The following STAT1 variants were observed in gnomAD, a reference collection of about 807,000 sequenced individuals.
STAT1 encodes signal transducer and activator of transcription 1, also known as signal transducer and activator of transcription 1-alpha/beta.
In STAT1, 24 loss-of-function variants were observed where a neutral mutation model predicts 111.7. The ratio of observed to expected loss-of-function variants is 0.21; its 90% CI spans 0.16 to 0.30. The LOEUF (loss-of-function observed/expected upper bound fraction) is 0.30, where lower values mean the gene tolerates loss of function less well. Among genes scored for constraint, STAT1 ranks in the 10% least tolerant of loss-of-function variants. The pLI is 1.00. For missense variants in STAT1, 351 were observed against 911.9 expected (o/e 0.38, Z 7.92); for synonymous variants, 332 against 326.5 (o/e 1.02, Z -0.18).
In STAT1 at chr2:191,006,181, G is replaced by A. The variant is rs190562451; in HGVS notation, c.372+1382C>T. ...TATTAGAAATACAGAGGAGGCCCAC[G>A]CATACTACTTTTAGGATGGAAGCCC... On this transcript the variant is annotated intron_variant, in intron 5 of 24. Transcript: ENST00000361099. The surrounding 1 kb of genome is among the most constrained non-coding windows in gnomAD (Gnocchi z 4.6). 5.9e-5 allele frequency among the ~76,000 whole-genome samples: 9 copies of A among 152,282 alleles called. No individual in the cohort carries two copies. The highest frequency in any genetic ancestry group is 5.8e-4 in the East Asian group (3 of 5,188).
chr2:190,983,918 TTTCAG>T lies in STAT1; in HGVS notation c.1348-183_1348-179del, dbSNP rs1168178611. Among the ~76,000 whole-genome samples the T allele has an allele frequency of 1.3e-5, 2 of 152,200 alleles. No homozygotes were observed. The highest frequency in any genetic ancestry group is 4.8e-5 in the African/African-American group (2 of 41,428). ...CAGTTTAACTTGTCTTTGATGTATC[TTTCAG>T]TTAAGAAATAAGTCCCTAAAAATAA... is the stretch of plus-strand genomic sequence containing the variant. On this transcript the variant is annotated intron_variant, in intron 16 of 24. Coordinates refer to ENST00000361099, the MANE Select transcript of STAT1 (RefSeq NM_007315.4). This position sits in a 1 kb window ranked among gnomAD's most constrained non-coding sequence, Gnocchi z 5.7.
intron 3 of STAT1, 136 bp downstream of exon 3, chr2:191,009,740 A>G: frequency 7.6e-7 from 1 of 1,317,848 alleles, no homozygotes; most frequent in South Asian, 1.2e-5. Context: ...TTTTAAATCA[A>G]CAAACTTTTC....
intron 3 of STAT1, among the ~76,000 whole-genome samples, chr2:191,009,661 A>G (rs1417580278): frequency 6.6e-6 from 1 of 152,236 alleles, no homozygotes; most frequent in East Asian, 1.9e-4. Flanking sequence ...AAAACTGTAT[A>G]AAAGTGCTTA....
intron 5 of STAT1, among the ~76,000 whole-genome samples, chr2:191,002,163 G>A (rs781292737): frequency 4.6e-5 from 7 of 152,004 alleles, no homozygotes; most frequent in Middle Eastern, 6.8e-3. Context: ...CTTTTAGATC[G>A]CTGATATATT....
In STAT1 at chr2:190,980,596, G is replaced by T; in HGVS notation, c.1632+24C>A. ...ACCAAGAGCAAAAAGGACTTAGAGA[G>T]CATAAAACCCAGACAGTCCTCACCT... On this transcript the variant is annotated intron_variant, in intron 19 of 24. Coordinates refer to ENST00000361099, the MANE Select transcript of STAT1 (RefSeq NM_007315.4). This position sits in a 1 kb window ranked among gnomAD's most constrained non-coding sequence, Gnocchi z 6.1. 1 of 1,613,268 alleles carries T rather than the reference G, an allele frequency of 6.2e-7. No individual in the cohort carries two copies. Among genetic ancestry groups the T allele is most frequent in the Non-Finnish European group, 8.5e-7 (1 of 1,179,196 alleles).
Position 190,978,206 on chromosome 2 carries a change from C to G in STAT1, c.1873+650G>C, listed in dbSNP as rs540154430. On this transcript the variant is annotated intron_variant, in intron 21 of 24. Coordinates refer to ENST00000361099, the MANE Select transcript of STAT1 (RefSeq NM_007315.4). The surrounding 1 kb of genome is among the most constrained non-coding windows in gnomAD (Gnocchi z 6.1). ...TCCTGCCCTTCAAACAGACCAAACTCTAAACAACAGTGAAAAGTAATCAGT... is the reference window on the plus strand; with the variant it reads ...TCCTGCCCTTCAAACAGACCAAACTGTAAACAACAGTGAAAAGTAATCAGT... Among the ~76,000 whole-genome samples the G allele has an allele frequency of 6.6e-6, 1 of 152,338 alleles. No individual in the cohort carries two copies. Among genetic ancestry groups the G allele is most frequent in the East Asian group, 1.9e-4 (1 of 5,192 alleles).
Position 190,998,772 on chromosome 2 carries a change from T to A in STAT1, c.542-464A>T, listed in dbSNP as rs544211160. Among the ~76,000 whole-genome samples, 12 of 151,548 alleles carry A rather than the reference T, an allele frequency of 7.9e-5. No individual in the cohort carries two copies. Among genetic ancestry groups the A allele is most frequent in the Non-Finnish European group, 1.8e-4 (12 of 67,902 alleles). ...CTTAAGACACTGTCAGGTAATTACC[T>A]AAATAAATGTAAATAACATTAATAA... On this transcript the variant is annotated intron_variant, in intron 7 of 24. Coordinates refer to ENST00000361099, the MANE Select transcript of STAT1 (RefSeq NM_007315.4). This position sits in a 1 kb window ranked among gnomAD's most constrained non-coding sequence, Gnocchi z 4.1.
chr2:190,979,431 T>C lies in STAT1; in HGVS notation c.1727+341A>G, dbSNP rs1012653486. On this transcript the variant is annotated intron_variant, in intron 20 of 24. Coordinates refer to ENST00000361099, the MANE Select transcript of STAT1 (RefSeq NM_007315.4). This position sits in a 1 kb window ranked among gnomAD's most constrained non-coding sequence, Gnocchi z 5.8. ...AGCCGATCCTGGCAATAAGTCAAGA[T>C]AGAAATGATTTACCCAGTTAAAAGG... 5.3e-5 allele frequency among the ~76,000 whole-genome samples: 8 copies of C among 152,208 alleles called. No homozygotes were observed. Among genetic ancestry groups the C allele is most frequent in the Admixed American group, 2.0e-4 (3 of 15,282 alleles).
Position 190,997,307 on chromosome 2 carries a change from T to A in STAT1, c.785+549A>T, listed in dbSNP as rs923473175. Among the ~76,000 whole-genome samples the A allele has an allele frequency of 6.6e-6, 1 of 152,188 alleles. No homozygotes were observed. Among genetic ancestry groups the A allele is most frequent in the Non-Finnish European group, 1.5e-5 (1 of 68,018 alleles). ...GTCCTCCACAGAATTCTGATGGCCT[T>A]TTGCTAGAGCACCTGGATACTTTTA... On this transcript the variant is annotated intron_variant, in intron 9 of 24. Coordinates refer to ENST00000361099, the MANE Select transcript of STAT1 (RefSeq NM_007315.4). This position sits in a 1 kb window ranked among gnomAD's most constrained non-coding sequence, Gnocchi z 7.3.
In STAT1 at chr2:190,975,659, A is replaced by ATG; in HGVS notation, c.2135+152_2135+153insCA. ...TTTTTTTTAAAGTAGTAAAATGCTG[A>ATG]TAGGCAGTAACACGGGGATCTCAAC... On this transcript the variant is annotated intron_variant, in intron 23 of 24. Coordinates refer to ENST00000361099, the MANE Select transcript of STAT1 (RefSeq NM_007315.4). The surrounding 1 kb of genome is among the most constrained non-coding windows in gnomAD (Gnocchi z 5.9). 1 of 1,474,434 alleles carries ATG rather than the reference A, an allele frequency of 6.8e-7. No homozygotes were observed. The allele number at this position is 1,474,434 out of a possible 1,614,324, so 91.3% of individuals were successfully genotyped here.
rs138287667 is a variant in STAT1 at position 190,990,594 on chromosome 2, T to TTG, written c.1037+632_1037+633dup. Among the ~76,000 whole-genome samples the TTG allele has an allele frequency of 4.5e-4, 69 of 152,058 alleles. No homozygotes were observed. The highest frequency in any genetic ancestry group is 1.2e-3 in the African/African-American group (48 of 41,466). ...TTTTTAAAAAAGAAATATGTCATATTTGTGTGTGTGTGTGTCTCTATATGA... is the reference window on the plus strand; with the variant it reads ...TTTTTAAAAAAGAAATATGTCATATTTGTGTGTGTGTGTGTGTCTCTATATGA... On this transcript the variant is annotated intron_variant, in intron 11 of 24. Coordinates refer to ENST00000361099, the MANE Select transcript of STAT1 (RefSeq NM_007315.4). The surrounding 1 kb of genome is among the most constrained non-coding windows in gnomAD (Gnocchi z 5.1).
rs1467240212 is a variant in STAT1, at chr2:190,979,121, G to A, written c.1728-120C>T. 3.1e-6 allele frequency: 4 copies of A among 1,300,174 alleles called. No individual in the cohort carries two copies. Among genetic ancestry groups the A allele is most frequent in the East Asian group, 2.5e-5 (1 of 40,154 alleles). The allele number at this position is 1,300,174 out of a possible 1,614,324, so 80.5% of individuals were successfully genotyped here. ...AGAAAAAAAACCTACGGTAAAAAAC[G>A]TAGACTATTTTAAAATCTGTTCAGT... On this transcript the variant is annotated intron_variant, in intron 20 of 24. Coordinates refer to ENST00000361099, the MANE Select transcript of STAT1 (RefSeq NM_007315.4). This position sits in a 1 kb window ranked among gnomAD's most constrained non-coding sequence, Gnocchi z 5.8.
In STAT1 at chr2:191,003,254, G is replaced by C. The variant is rs112864916; in HGVS notation, c.373-2091C>G. On this transcript the variant is annotated intron_variant, in intron 5 of 24. Transcript: ENST00000361099. The surrounding 1 kb of genome is among the most constrained non-coding windows in gnomAD (Gnocchi z 4.0). ...TACATGAATGTTACTGGTATCCTCT[G>C]TAAGTCCAAGGTGCCACATATCACT... Among the ~76,000 whole-genome samples, 13 of 152,340 alleles carry C rather than the reference G, an allele frequency of 8.5e-5. 1 individual carries two copies. The highest frequency in any genetic ancestry group is 2.9e-4 in the African/African-American group (12 of 41,582).
chr2:190,989,605 G>C lies in STAT1; in HGVS notation c.1097+10C>G, dbSNP rs41488044. On this transcript the variant is annotated intron_variant, in intron 12 of 24. Coordinates refer to ENST00000361099, the MANE Select transcript of STAT1 (RefSeq NM_007315.4). This position sits in a 1 kb window ranked among gnomAD's most constrained non-coding sequence, Gnocchi z 5.0. ...TACATGTATGTTATATAATGTTAAA[G>C]ATATCTTACTTATCAAATAAGACTT... 1,475 of 1,459,498 alleles carry C rather than the reference G, an allele frequency of 1.0e-3. 21 individuals are homozygous for C. In the African/African-American group the frequency reaches 0.018, roughly 18 times the overall value. 90.4% of individuals were successfully genotyped at this position (1,459,498 alleles called of 1,614,324 possible).
rs1693234086 is a variant in STAT1, at chr2:190,990,564, C to T, written c.1037+664G>A. Among the ~76,000 whole-genome samples, 2 of 152,172 alleles carry T rather than the reference C, an allele frequency of 1.3e-5. No individual in the cohort carries two copies. The highest frequency in any genetic ancestry group is 4.1e-4 in the South Asian group (2 of 4,826). On this transcript the variant is annotated intron_variant, in intron 11 of 24. Transcript: ENST00000361099. The surrounding 1 kb of genome is among the most constrained non-coding windows in gnomAD (Gnocchi z 5.1). ...TACAAAACAATGTATGTAGCCTACTCCGAGTTTTTAAAAAAGAAATATGTC... is the reference window on the plus strand; with the variant it reads ...TACAAAACAATGTATGTAGCCTACTTCGAGTTTTTAAAAAAGAAATATGTC...
At position 191,013,615 on chromosome 2, in the gene STAT1, A is replaced by T. The variant is rs1369144548; in HGVS notation, c.-92T>A. The stretch of plus-strand genomic sequence containing the variant: ...TAGGTGCCAAGACTGTCGAGGTTAT[A>T]TACACAGAGTGCGAACGTTAACCTA... On this transcript the variant is annotated 5_prime_UTR_variant, in exon 2 of 25. Transcript: ENST00000361099. 7.5e-6 allele frequency: 3 copies of T among 398,556 alleles called. No homozygotes were observed. The highest frequency in any genetic ancestry group is 1.3e-5 in the Non-Finnish European group (3 of 226,092). The allele number at this position is 398,556 out of a possible 1,614,324, so 24.7% of individuals were successfully genotyped here. A position where few individuals can be genotyped will look rare whatever the true frequency, so the allele number is the denominator to read the frequency against.
chr2:191,007,315 A>C lies in STAT1; in HGVS notation c.372+248T>G, dbSNP rs1005567154. Among the ~76,000 whole-genome samples, 1 of 152,166 alleles carries C rather than the reference A, an allele frequency of 6.6e-6. No homozygotes were observed. The highest frequency in any genetic ancestry group is 2.4e-5 in the African/African-American group (1 of 41,426). On this transcript the variant is annotated intron_variant, in intron 5 of 24. Transcript: ENST00000361099. This position sits in a 1 kb window ranked among gnomAD's most constrained non-coding sequence, Gnocchi z 4.2. Reference sequence around the variant, plus strand: ...CATGAATTCAGCATGTTATCTTCTCAGCACTTTATGCTACCCAGAAGTATC... The same window carrying C: ...CATGAATTCAGCATGTTATCTTCTCCGCACTTTATGCTACCCAGAAGTATC...
In STAT1 at chr2:190,969,744, C is replaced by T. The variant is rs967454724; in HGVS notation, c.*959G>A. The T allele has an allele frequency of 1.3e-5, 2 of 152,166 alleles. No homozygotes were observed. Among genetic ancestry groups the T allele is most frequent in the Non-Finnish European group, 1.5e-5 (1 of 68,008 alleles). 9.4% of individuals were successfully genotyped at this position (152,166 alleles called of 1,614,324 possible). A position where few individuals can be genotyped will look rare whatever the true frequency, so the allele number is the denominator to read the frequency against. On this transcript the variant is annotated 3_prime_UTR_variant, in exon 25 of 25. Coordinates refer to ENST00000361099, the MANE Select transcript of STAT1 (RefSeq NM_007315.4). ...TTCAAGTTGTCAGTTACTGCTTTTT[C>T]TACTCCTTTCCCAATTTTGTGGCTA... is the stretch of plus-strand genomic sequence containing the variant.
chr2:191,005,187 G>A (rs1198829997), intron 5 of STAT1, among the ~76,000 whole-genome samples: 2 of 152,132 alleles, frequency 1.3e-5, no homozygotes, highest in African/African-American at 4.8e-5. Flanking sequence ...GAATCCCCAT[G>A]TACCTATCAC....
Sources: gnomAD v4.1 joint callset for allele counts (sites outside exome capture counted in the v4.1 genomes callset) on GRCh38, gnomAD v4.1.1 for gene constraint, Gnocchi (gnomAD v3.1) non-coding constraint, MANE v1.5 for transcripts, NCBI Gene and HGNC (gene_info 2026-07-23, HGNC 2026-07-21) for gene names.